ADAMTS12: variants seen among roughly 807,000 people sequenced by gnomAD.
ADAMTS12 encodes A disintegrin and metalloproteinase with thrombospondin motifs 12.
A neutral mutation model predicts 167.8 loss-of-function variants in ADAMTS12; 118 were observed. The ratio of observed to expected loss-of-function variants is 0.70; its 90% CI spans 0.61 to 0.82. ADAMTS12 has a LOEUF of 0.82. Ranked by LOEUF, ADAMTS12 falls within the 40% of genes least tolerant of loss-of-function variation. ADAMTS12 has a pLI of 0.00. For synonymous variants in ADAMTS12, 704 were observed against 716.9 expected (o/e 0.98, Z 0.29); for missense variants, 1,916 against 1,998.8 (o/e 0.96, Z 0.79).
intron 20 of ADAMTS12, among the ~76,000 whole-genome samples, chr5:33,554,707 A>T (rs1308687350): frequency 1.3e-5 from 2 of 152,236 alleles, no homozygotes; most frequent in Non-Finnish European, 2.9e-5. Context: ...TTAGCAAAAC[A>T]AAGGCTATTC....
At chr5:33,875,233 T>C (rs115615091) in intron 2 of ADAMTS12, among the ~76,000 whole-genome samples, 2,137 of 152,332 alleles carry the variant, frequency 0.014, 30 homozygotes, top group Non-Finnish European at 0.023. Context: ...ATCCTCTATA[T>C]GAGAATATAA....
At chr5:33,849,221 CAATA>C (rs1749090635) in intron 2 of ADAMTS12, among the ~76,000 whole-genome samples, 6 of 63,690 alleles carry the variant, frequency 9.4e-5, no homozygotes, top group Admixed American at 3.5e-4. Flanking sequence ...TATTGCATAG[CAATA>C]TATATATATG....
At chr5:33,815,222 G>A (rs1747602415) in intron 2 of ADAMTS12, among the ~76,000 whole-genome samples, 1 of 152,162 alleles carries the variant, frequency 6.6e-6, no homozygotes, top group Non-Finnish European at 1.5e-5. Context: ...CACAGGTCAG[G>A]GAAGTTGTTA....
chr5:33,680,197 C>T (rs563043759), intron 5 of ADAMTS12, among the ~76,000 whole-genome samples: 2 of 152,310 alleles, frequency 1.3e-5, no homozygotes, highest in South Asian at 2.1e-4. Flanking sequence ...TGTCTCTTTA[C>T]ATTTGCAAAA....
At chr5:33,568,627 A>C (rs1221154384) in intron 19 of ADAMTS12, among the ~76,000 whole-genome samples, 1 of 152,216 alleles carries the variant, frequency 6.6e-6, no homozygotes, top group East Asian at 1.9e-4. Context: ...AGGACCACGA[A>C]AAGGAAAAAA....
intron 18 of ADAMTS12, among the ~76,000 whole-genome samples, chr5:33,580,354 G>C (rs1420190717): frequency 6.6e-6 from 1 of 152,136 alleles, no homozygotes; most frequent in Non-Finnish European, 1.5e-5. Flanking sequence ...GACAAGTGCA[G>C]ACTGAAGTGG....
In ADAMTS12 at chr5:33,856,334, T is replaced by A. The variant is rs143995462; in HGVS notation, c.489+24785A>T. Among the ~76,000 whole-genome samples, 58 of 152,304 alleles carry A rather than the reference T, an allele frequency of 3.8e-4. No individual in the cohort carries two copies. In the East Asian group the frequency reaches 0.011, roughly 28 times the overall value. ...ACTATTGTGTCCTGGGTGATTGTCA[T>A]CTGGGAACATAAAGCTGGGCCAAAT... On this transcript the variant is annotated intron_variant, in intron 2 of 23. Coordinates refer to ENST00000504830, the MANE Select transcript of ADAMTS12 (RefSeq NM_030955.4).
chr5:33,665,432 G>A (rs114449857), intron 5 of ADAMTS12, among the ~76,000 whole-genome samples: 11 of 152,232 alleles, frequency 7.2e-5, no homozygotes, highest in South Asian at 4.1e-4. Context: ...TAATGTATGC[G>A]TTAATTAGCC....
At chr5:33,891,694 CACT>C in intron 1 of ADAMTS12, 33 bp downstream of exon 1, 1 of 1,612,940 alleles carries the variant, frequency 6.2e-7, no homozygotes, top group Non-Finnish European at 8.5e-7. Flanking sequence ...GTCTTACCAC[CACT>C]GTTTTAAAAA....
At chr5:33,547,762 T>A (rs1029674432) in intron 21 of ADAMTS12, among the ~76,000 whole-genome samples, 2 of 152,170 alleles carry the variant, frequency 1.3e-5, no homozygotes, top group Non-Finnish European at 2.9e-5. Context: ...ACCTTTTTCA[T>A]AACCAGAAAG....
intron 2 of ADAMTS12, among the ~76,000 whole-genome samples, chr5:33,797,283 C>T (rs1324757475): frequency 6.6e-6 from 1 of 152,102 alleles, no homozygotes; most frequent in Non-Finnish European, 1.5e-5. Context: ...AAGAGGGCTC[C>T]TGCCCTATAA....
chr5:33,728,404 T>C (rs918610466), intron 3 of ADAMTS12, among the ~76,000 whole-genome samples: 2 of 152,182 alleles, frequency 1.3e-5, no homozygotes, highest in African/African-American at 4.8e-5. Flanking sequence ...GATGAGACCT[T>C]GGTGGCAGGT....
chr5:33,626,901 G>A (rs1739666463), intron 13 of ADAMTS12, among the ~76,000 whole-genome samples: 1 of 150,946 alleles, frequency 6.6e-6, no homozygotes, highest in Non-Finnish European at 1.5e-5. Flanking sequence ...TGATTTGATG[G>A]TGGTGATGGT....
chr5:33,759,505 A>T lies in ADAMTS12; in HGVS notation c.490-7957T>A, dbSNP rs147099367. On this transcript the variant is annotated intron_variant, in intron 2 of 23. Coordinates refer to ENST00000504830, the MANE Select transcript of ADAMTS12 (RefSeq NM_030955.4). ...AAAATGGTTTTTGCTGACAAGAACT[A>T]AATAAGGCAATTCATGAAAATGACC... Among the ~76,000 whole-genome samples the T allele has an allele frequency of 4.6e-5, 7 of 152,318 alleles. No individual in the cohort carries two copies. In the East Asian group the frequency reaches 1.4e-3, roughly 29 times the overall value.
Position 33,604,792 on chromosome 5 carries a change from G to C in ADAMTS12, c.2528-8732C>G, listed in dbSNP as rs1738359390. 6.6e-5 allele frequency among the ~76,000 whole-genome samples: 10 copies of C among 152,062 alleles called. No homozygotes were observed. The South Asian group carries it at 2.1e-3, about 32-fold the overall frequency. On this transcript the variant is annotated intron_variant, in intron 16 of 23. Transcript: ENST00000504830. ...GCAAAAGTATTAGAAAGGGTGGGGT[G>C]CATACAGACAGAAGATGGGAGAAAA...
intron 2 of ADAMTS12, among the ~76,000 whole-genome samples, chr5:33,771,452 AT>A (rs1745734423): frequency 6.6e-6 from 1 of 152,184 alleles, no homozygotes; most frequent in Non-Finnish European, 1.5e-5. Flanking sequence ...TCATCAACAC[AT>A]TAATGGTATT....
At chr5:33,738,149 G>A (rs1744434074) in intron 3 of ADAMTS12, among the ~76,000 whole-genome samples, 2 of 152,194 alleles carry the variant, frequency 1.3e-5, no homozygotes, top group Admixed American at 1.3e-4. Flanking sequence ...CTAGTGGAAA[G>A]TGTGTGGGAT....
chr5:33,589,531 G>T (rs2112012979), intron 17 of ADAMTS12, among the ~76,000 whole-genome samples: 1 of 152,152 alleles, frequency 6.6e-6, no homozygotes, highest in Admixed American at 6.5e-5. Context: ...AATAATCTAG[G>T]ATGTGGGCCC....
rs527945783 is a variant in ADAMTS12, at chr5:33,597,432, G to T, written c.2528-1372C>A. 6.6e-5 allele frequency among the ~76,000 whole-genome samples: 10 copies of T among 152,260 alleles called. No individual in the cohort carries two copies. The East Asian group carries it at 1.7e-3, about 26-fold the overall frequency. On this transcript the variant is annotated intron_variant, in intron 16 of 23. Coordinates refer to ENST00000504830, the MANE Select transcript of ADAMTS12 (RefSeq NM_030955.4). ...CACTGGTGTACAGAACTCCAGAATTGGAAAGGCCCGGAGCAATCCAACGAG... is the reference window on the plus strand; with the variant it reads ...CACTGGTGTACAGAACTCCAGAATTTGAAAGGCCCGGAGCAATCCAACGAG...
Sources: allele counts gnomAD v4.1 joint callset (sites outside exome capture counted in the v4.1 genomes callset), GRCh38; gene constraint gnomAD v4.1.1; transcripts MANE v1.5; gene names NCBI Gene and HGNC (gene_info 2026-07-23, HGNC 2026-07-21).